IQSEC2: variants seen among roughly 807,000 people sequenced by gnomAD.
The protein encoded by IQSEC2 is IQ motif and Sec7 domain ArfGEF 2, also known as IQ motif and SEC7 domain-containing protein 2.
Under a neutral mutation model 74.6 loss-of-function variants are expected in IQSEC2, and 6 were observed. The observed-to-expected ratio is 0.08, with a 90% CI of 0.04 to 0.16. The LOEUF (loss-of-function observed/expected upper bound fraction) is 0.16. Ranked by LOEUF, IQSEC2 falls within the 10% of genes least tolerant of loss-of-function variation. IQSEC2 has a pLI of 1.00. For synonymous variants in IQSEC2, 494 were observed against 544.5 expected, an observed-to-expected ratio of 0.91 and a Z score of 1.29; for missense variants, 734 against 1,306.2, an observed-to-expected ratio of 0.56 and a Z score of 6.75.
chrX:53,231,107 T>C, downstream of IQSEC2: 1 of 112,833 alleles, frequency 8.9e-6, no homozygotes, highest in East Asian at 2.8e-4. Context: ...TTTAGTGCCA[T>C]CTGTGCTGTG....
rs142083173 is a variant in IQSEC2 at position 53,281,190 on chromosome X, A to G, written c.737+10705T>C. Among the ~76,000 whole-genome samples, 491 of 112,597 alleles carry G rather than the reference A, an allele frequency of 4.4e-3. 2 individuals are homozygous for G. Among genetic ancestry groups the G allele is most frequent in the African/African-American group, 0.015 (465 of 31,001 alleles). ...TGTTGGTGTTAGAATCTCAGAGGCC[A>G]CGAGCCTGGAGCCCTGCAGTGCCTC... On this transcript the variant is annotated intron_variant, in intron 2 of 14. Transcript: ENST00000642864.
chrX:53,230,345 ACTGT>A (rs1252833088), downstream of IQSEC2: 2 of 112,404 alleles, frequency 1.8e-5, no homozygotes, highest in African/African-American at 6.5e-5. Flanking sequence ...CTTATCCTAC[ACTGT>A]CTGACGTGGC....
At chrX:53,279,385 T>G (rs2074901021) in intron 2 of IQSEC2, 1 of 410,450 alleles carries the variant, frequency 2.4e-6, no homozygotes, top group Admixed American at 4.1e-5. Context: ...ACAAATTAGA[T>G]AGATCCCAAA....
chrX:53,306,475 C>G (rs781954722), intron 1 of IQSEC2, among the ~76,000 whole-genome samples: 4 of 111,361 alleles, frequency 3.6e-5, no homozygotes, highest in Non-Finnish European at 7.5e-5. Context: ...TGGAGGAATG[C>G]TTATGATAAG....
rs185429173 is a variant in IQSEC2, at chrX:53,240,036, A to G, written c.3016-742T>C. On this transcript the variant is annotated intron_variant, in intron 10 of 14. Coordinates refer to ENST00000642864, the MANE Select transcript of IQSEC2 (RefSeq NM_001111125.3). ...ATAGAGCTGGACATACACCAGTTTC[A>G]GTACCTGAGGGATGTCTACACATTG... Among the ~76,000 whole-genome samples, 617 of 111,896 alleles carry G rather than the reference A, an allele frequency of 5.5e-3. 4 individuals carry two copies. The highest frequency in any genetic ancestry group is 0.019 in the African/African-American group (590 of 30,783).
intron 2 of IQSEC2, among the ~76,000 whole-genome samples, chrX:53,264,904 G>T (rs1404996669): frequency 1.0e-5 from 1 of 98,679 alleles, no homozygotes; most frequent in Non-Finnish European, 2.1e-5. Context: ...GCTCGCAGAG[G>T]ACACAGCCAC....
chrX:53,243,494 G>T, intron 8 of IQSEC2, 23 bp from the exon 9 acceptor site: 1 of 1,155,676 alleles, frequency 8.7e-7, no homozygotes, highest in Non-Finnish European at 1.2e-6. Flanking sequence ...GTAACACAGG[G>T]ATATGTCACA....
At chrX:53,257,188 T>C (rs953602426) in intron 2 of IQSEC2, among the ~76,000 whole-genome samples, 2 of 110,658 alleles carry the variant, frequency 1.8e-5, no homozygotes, top group Non-Finnish European at 3.8e-5. Flanking sequence ...GGTGAAGGGG[T>C]ACTCCCCAGC....
At chrX:53,298,969 T>G (rs781992339) in intron 1 of IQSEC2, among the ~76,000 whole-genome samples, 2 of 112,222 alleles carry the variant, frequency 1.8e-5, no homozygotes, top group South Asian at 7.3e-4. Flanking sequence ...AAGTTGATGG[T>G]TTTCCTCAAA....
chrX:53,279,871 G>A, intron 2 of IQSEC2: 1 of 186,757 alleles, frequency 5.4e-6, no homozygotes, highest in Non-Finnish European at 9.7e-6. Flanking sequence ...AAAGAGGAAG[G>A]GAGAGAGGGA....
At position 53,233,477 on chromosome X, in the gene IQSEC2, G is replaced by GC. The variant is rs201449331; in HGVS notation, c.*741dup. On this transcript the variant is annotated 3_prime_UTR_variant, in exon 15 of 15. Transcript: ENST00000642864. ...AGTGCCCTTCTCATCCCAGACCTGAGCCCCCCCCAAAACCTGTCTGGACTT... is the reference window on the plus strand; with the variant it reads ...AGTGCCCTTCTCATCCCAGACCTGAGCCCCCCCCCAAAACCTGTCTGGACTT... 2.7e-4 allele frequency: 32 copies of GC among 119,650 alleles called. No individual in the cohort carries two copies. The highest frequency in any genetic ancestry group is 3.1e-4 in the Non-Finnish European group (18 of 58,344). The allele number at this position is 119,650 out of a possible 1,213,427, so 9.9% of individuals were successfully genotyped here.
chrX:53,304,018 C>T (rs995663602), intron 1 of IQSEC2, among the ~76,000 whole-genome samples: 2 of 109,496 alleles, frequency 1.8e-5, no homozygotes, highest in Non-Finnish European at 3.8e-5. Context: ...TGCCTGTAAT[C>T]CCAGCTACTT....
At chrX:53,279,483 G>A (rs782064911) in intron 2 of IQSEC2, 1 of 572,403 alleles carries the variant, frequency 1.7e-6, no homozygotes, top group East Asian at 3.3e-5. Context: ...GGGGCTCAGG[G>A]AGGTGGGAGG....
intron 5 of IQSEC2, among the ~76,000 whole-genome samples, chrX:53,249,422 C>T (rs916550677): frequency 9.0e-6 from 1 of 111,591 alleles, no homozygotes. Context: ...ACCCCAGAAC[C>T]TTAGGACCCC....
intron 2 of IQSEC2, among the ~76,000 whole-genome samples, chrX:53,272,521 T>C (rs1305464004): frequency 1.8e-5 from 2 of 111,245 alleles, no homozygotes; most frequent in African/African-American, 6.5e-5. Flanking sequence ...GTCAGCTAGC[T>C]AGTGAGTGAC....
intron 7 of IQSEC2, 105 bp downstream of exon 7, chrX:53,248,009 T>C: frequency 1.0e-6 from 1 of 977,235 alleles, no homozygotes; most frequent in East Asian, 3.2e-5. Context: ...CATCTCTGTT[T>C]TATGGTGAAG....
chrX:53,237,932 C>T lies in IQSEC2; in HGVS notation c.3277+213G>A, dbSNP rs781860427. On this transcript the variant is annotated intron_variant, in intron 12 of 14. Transcript: ENST00000642864. ...CTTTCACTAGAAGGAATAGTTGGCT[C>T]ATAATTAGAGTTCAGGATAATAATG... 1.3e-3 allele frequency: 585 copies of T among 454,763 alleles called. 4 individuals carry two copies. The South Asian group carries it at 0.017, about 13-fold the overall frequency. 37.5% of individuals were successfully genotyped at this position (454,763 alleles called of 1,213,427 possible).
rs2074299570 is a variant in IQSEC2, at chrX:53,245,894, GCT to G, written c.2749+1073_2749+1074del. On this transcript the variant is annotated intron_variant, in intron 8 of 14. Transcript: ENST00000642864. Reference sequence around the variant, plus strand: ...TTTTTTTTTTTCAAGACAGAGTCTTGCTCTGTCACTCAGGCTGGAGTGCAGTG... The same window carrying G: ...TTTTTTTTTTTCAAGACAGAGTCTTGCTGTCACTCAGGCTGGAGTGCAGTG... Among the ~76,000 whole-genome samples the G allele has an allele frequency of 2.4e-5, 2 of 83,734 alleles. 1 individual carries two copies. The highest frequency in any genetic ancestry group is 3.4e-4 in the Admixed American group (2 of 5,863). The allele number at this position is 83,734 out of a possible 115,157, so 72.7% of individuals were successfully genotyped here. A position where few individuals can be genotyped will look rare whatever the true frequency, so the allele number is the denominator to read the frequency against.
intron 2 of IQSEC2, among the ~76,000 whole-genome samples, chrX:53,267,296 G>A (rs1556867904): frequency 8.9e-6 from 1 of 111,926 alleles, no homozygotes. Flanking sequence ...TCAGTCTTAA[G>A]GTCACCCTCA....
Sources: allele counts gnomAD v4.1 joint callset (sites outside exome capture counted in the v4.1 genomes callset), GRCh38; gene constraint gnomAD v4.1.1; transcripts MANE v1.5; gene names NCBI Gene and HGNC (gene_info 2026-07-23, HGNC 2026-07-21).